CFAP46: variants seen among roughly 807,000 people sequenced by gnomAD.
CFAP46 encodes cilia and flagella associated protein 46, also known as cilia- and flagella-associated protein 46.
Under a neutral mutation model 325.7 loss-of-function variants are expected in CFAP46, and 245 were observed. The ratio of observed to expected loss-of-function variants is 0.75; its 90% CI spans 0.68 to 0.84. CFAP46 has a LOEUF of 0.84. Among genes scored for constraint, CFAP46 ranks in the 40% least tolerant of loss-of-function variants. The pLI, the probability that CFAP46 is intolerant of heterozygous loss-of-function variation, is 0.00. For synonymous variants in CFAP46, 1,523 were observed against 1,495.9 expected, an observed-to-expected ratio of 1.02 and a Z score of -0.42; for missense variants, 3,346 against 3,543.0, an observed-to-expected ratio of 0.94 and a Z score of 1.41.
At chr10:132,843,627 A>G (rs4880439) in intron 44 of CFAP46, among the ~76,000 whole-genome samples, 8,597 of 23,226 alleles carry the variant, frequency 0.37, 857 homozygotes, top group African/African-American at 0.48. Flanking sequence ...GGTCTCGGTG[A>G]GTGTTCCCAG....
Position 132,847,159 on chromosome 10 carries a change from A to G in CFAP46, c.6087+28T>C, listed in dbSNP as rs1232600380. On this transcript the variant is annotated intron_variant, in intron 42 of 57. Coordinates refer to ENST00000368586, the MANE Select transcript of CFAP46 (RefSeq NM_001200049.3). The surrounding 1 kb of genome is among the most constrained non-coding windows in gnomAD (Gnocchi z 5.2). The stretch of plus-strand genomic sequence containing the variant: ...TCAGGCCAGGCTCCGGGCAGAGGCC[A>G]CACGAGGGGCAGGAGGGGCAGCCGC... 6.2e-7 allele frequency: 1 copy of G among 1,609,040 alleles called. No homozygotes were observed. The highest frequency in any genetic ancestry group is 8.5e-7 in the Non-Finnish European group (1 of 1,178,312).
chr10:132,847,432 G>T lies in CFAP46; in HGVS notation c.5953-111C>A. 1 of 1,330,782 alleles carries T rather than the reference G, an allele frequency of 7.5e-7. No individual in the cohort carries two copies. The allele number at this position is 1,330,782 out of a possible 1,614,324, so 82.4% of individuals were successfully genotyped here. On this transcript the variant is annotated intron_variant, in intron 41 of 57. Transcript: ENST00000368586. This position sits in a 1 kb window ranked among gnomAD's most constrained non-coding sequence, Gnocchi z 5.2. ...GTCGGGCTCCTCAGCAGGGTCCCCG[G>T]GTAGGGGGTACCGCAGGCCACAGCA...
At position 132,814,669 on chromosome 10, in the gene CFAP46, G is replaced by A; in HGVS notation, c.7249+17C>T. ...AGGGCGGGGTCTGGGGCCCCCCCGG[G>A]GCCCATCAAAGGATACACTTGAAGT... On this transcript the variant is annotated intron_variant, in intron 52 of 57. Transcript: ENST00000368586. 2 of 1,590,338 alleles carry A rather than the reference G, an allele frequency of 1.3e-6. No individual in the cohort carries two copies. The highest frequency in any genetic ancestry group is 1.1e-5 in the South Asian group (1 of 88,768).
intron 24 of CFAP46, among the ~76,000 whole-genome samples, chr10:132,892,929 C>A (rs1049892835): frequency 1.1e-4 from 16 of 152,180 alleles, no homozygotes; most frequent in Non-Finnish European, 2.1e-4. Context: ...AGGCAACCAT[C>A]AGGTGATGGT....
rs2135538127 is a variant in CFAP46 at position 132,911,100 on chromosome 10, G to A, written c.2500-1032C>T. ...CCCAGGGCCCACAGCAGGCTCAGCT[G>A]CACCCACAGCTGCCTGAGCCGCCCA... is the stretch of plus-strand genomic sequence containing the variant. On this transcript the variant is annotated intron_variant, in intron 19 of 57. Transcript: ENST00000368586. Among the ~76,000 whole-genome samples the A allele has an allele frequency of 1.3e-5, 2 of 152,294 alleles. 1 individual carries two copies. Among genetic ancestry groups the A allele is most frequent in the South Asian group, 4.2e-4 (2 of 4,814 alleles).
intron 22 of CFAP46, among the ~76,000 whole-genome samples, chr10:132,904,608 G>A (rs902575608): frequency 6.6e-5 from 10 of 152,318 alleles, no homozygotes; most frequent in East Asian, 5.8e-4. Flanking sequence ...CGGCCAGGGC[G>A]CCCAGCCCCC....
At chr10:132,937,898 A>C (rs1343365300) in intron 5 of CFAP46, among the ~76,000 whole-genome samples, 1 of 152,120 alleles carries the variant, frequency 6.6e-6, no homozygotes, top group African/African-American at 2.4e-5. Context: ...GAAATGAAAG[A>C]TCTGTATTGA....
At chr10:132,912,898 A>G in intron 18 of CFAP46, 78 bp from the exon 19 acceptor site, 1 of 1,511,026 alleles carries the variant, frequency 6.6e-7, no homozygotes, top group South Asian at 1.2e-5. Context: ...TCCTCAGGTC[A>G]CGGTAAGAGG....
rs1849700657 is a variant in CFAP46, at chr10:132,920,152, G to A, written c.1637C>T (p.Thr546Ile). 14 of 1,547,694 alleles carry A rather than the reference G, an allele frequency of 9.0e-6. No homozygotes were observed. The highest frequency in any genetic ancestry group is 1.2e-5 in the Non-Finnish European group (14 of 1,145,972). Residue 546 changes from threonine to isoleucine, a missense_variant, in exon 14 of 58, where the codon ACC (threonine) becomes ATC (isoleucine). By Grantham distance (89) the Thr-to-Ile change is moderately conservative (BLOSUM62 -1). Coordinates refer to ENST00000368586, the MANE Select transcript of CFAP46 (RefSeq NM_001200049.3). ...VSTGKNRGRF[T>I]YLCAKAWHHT... ...GTGCCACGCCTTCGCACAGAGGTAG[G>A]TGAACCGGCCCCTGTTCTTCCCGGT...
At position 132,906,601 on chromosome 10, in the gene CFAP46, C is replaced by T. The variant is rs1406367195; in HGVS notation, c.2924+1867G>A. 1.1e-4 allele frequency among the ~76,000 whole-genome samples: 6 copies of T among 57,018 alleles called. No homozygotes were observed. The East Asian group carries it at 1.3e-3, about 12-fold the overall frequency. The allele number at this position is 57,018 out of a possible 152,430, so 37.4% of individuals were successfully genotyped here. Reference sequence around the variant, plus strand: ...GAGAAGAGTGAACGGGGTCCTGGCGCGTGATGCCCCGTCCTGGGCACTGAG... The same window carrying T: ...GAGAAGAGTGAACGGGGTCCTGGCGTGTGATGCCCCGTCCTGGGCACTGAG... On this transcript the variant is annotated intron_variant, in intron 22 of 57. Transcript: ENST00000368586.
intron 39 of CFAP46, 84 bp downstream of exon 39, chr10:132,857,506 G>A: frequency 7.3e-7 from 1 of 1,371,554 alleles, no homozygotes; most frequent in Non-Finnish European, 1.0e-6. Flanking sequence ...GCAGAAGTCA[G>A]CTGGCTTGTA....
rs112376678 is a variant in CFAP46 at position 132,929,344 on chromosome 10, C to T, written c.966+361G>A. Reference sequence around the variant, plus strand: ...GTAACAAACTGCAGAAAGTGAACTGCGGGTAACGAGGCACTGCCGGTGTGA... The same window carrying T: ...GTAACAAACTGCAGAAAGTGAACTGTGGGTAACGAGGCACTGCCGGTGTGA... On this transcript the variant is annotated intron_variant, in intron 9 of 57. Coordinates refer to ENST00000368586, the MANE Select transcript of CFAP46 (RefSeq NM_001200049.3). 9.4e-3 allele frequency: 5,770 copies of T among 614,056 alleles called. 199 individuals are homozygous for T. Among genetic ancestry groups the T allele is most frequent in the African/African-American group, 0.086 (4,677 of 54,270 alleles). 38.0% of individuals were successfully genotyped at this position (614,056 alleles called of 1,614,324 possible).
At chr10:132,812,959 C>G (rs942410288) in intron 54 of CFAP46, 62 bp from the exon 55 acceptor site, 2 of 1,345,488 alleles carry the variant, frequency 1.5e-6, no homozygotes, top group South Asian at 2.4e-5. Flanking sequence ...CCCCACCGTG[C>G]GTTCTTAAAG....
chr10:132,865,590 A>C (rs895349725), intron 35 of CFAP46, among the ~76,000 whole-genome samples: 6 of 152,230 alleles, frequency 3.9e-5, no homozygotes, highest in African/African-American at 1.4e-4. Flanking sequence ...AAAACAAACA[A>C]AGACCAGACC....
chr10:132,897,694 T>C (rs1295506660), intron 24 of CFAP46, among the ~76,000 whole-genome samples: 1 of 152,236 alleles, frequency 6.6e-6, no homozygotes, highest in African/African-American at 2.4e-5. Flanking sequence ...AGCCTTGGCT[T>C]GCCTCCGTAC....
At chr10:132,826,686 CAGCCACGG>C (rs1848061360) in intron 50 of CFAP46, among the ~76,000 whole-genome samples, 1 of 141,020 alleles carries the variant, frequency 7.1e-6, no homozygotes, top group African/African-American at 2.6e-5. Context: ...CCACGGAGAC[CAGCCACGG>C]AGCCAGGCAG....
intron 24 of CFAP46, among the ~76,000 whole-genome samples, chr10:132,895,757 T>C (rs112952920): frequency 2.0e-5 from 3 of 152,360 alleles, no homozygotes; most frequent in African/African-American, 7.2e-5. Context: ...CCTGAGACTC[T>C]AACCCTCACT....
rs1480719782 is a variant in CFAP46, at chr10:132,860,964, C to A, written c.4909G>T (p.Ala1637Ser). The change falls in exon 36 of 58, where the codon GCA becomes TCA. Residue 1637 changes from alanine (A) to serine (S), a missense_variant. Physicochemically the swap from Ala to Ser is moderately conservative, Grantham distance 99 (BLOSUM62 1). Coordinates refer to ENST00000368586, the MANE Select transcript of CFAP46 (RefSeq NM_001200049.3). Reference protein sequence around the residue: ...LAFQELDEPCAEAQCLLLLAQ... With the variant: ...LAFQELDEPCSEAQCLLLLAQ... ...AGGAGGAGCAGGCACTGGGCCTCTG[C>A]ACAAGGCTCATCCAGCTCCTGAAGG... 6.4e-7 allele frequency: 1 copy of A among 1,550,630 alleles called. No homozygotes were observed. The highest frequency in any genetic ancestry group is 2.0e-5 in the Admixed American group (1 of 51,014).
At chr10:132,814,318 G>T in intron 53 of CFAP46, 64 bp from the exon 54 acceptor site, 1 of 1,370,160 alleles carries the variant, frequency 7.3e-7, no homozygotes. Context: ...TGCAGGGCCG[G>T]GGTCCCTGGG....
Sources: allele counts gnomAD v4.1 joint callset (sites outside exome capture counted in the v4.1 genomes callset), GRCh38; gene constraint gnomAD v4.1.1; non-coding constraint Gnocchi (gnomAD v3.1); transcripts MANE v1.5; gene names NCBI Gene and HGNC (gene_info 2026-07-23, HGNC 2026-07-21).